The following INSC variants were observed in gnomAD, a reference collection of about 807,000 sequenced individuals.
The protein encoded by INSC is protein inscuteable homolog.
In INSC, 67 loss-of-function variants were observed where a neutral mutation model predicts 58.6. That is an observed-to-expected ratio of 1.14 (90% CI 0.94 to 1.40). The LOEUF (loss-of-function observed/expected upper bound fraction) is 1.40. INSC is among the 40% of genes most tolerant of loss of function. The pLI is 0.00. For synonymous variants in INSC, 262 were observed against 276.1 expected (o/e 0.95, Z 0.51); for missense variants, 714 against 692.0 (o/e 1.03, Z -0.36).
the INSC span, among the ~76,000 whole-genome samples, chr11:15,258,050 A>G: frequency 6.6e-6 from 1 of 152,222 alleles, no homozygotes; most frequent in Non-Finnish European, 1.5e-5. Context: ...TTCATTAATA[A>G]TAAAATAAAA....
At chr11:15,126,350 T>C (rs1165409805) in intron 1 of INSC, among the ~76,000 whole-genome samples, 4 of 152,150 alleles carry the variant, frequency 2.6e-5, no homozygotes, top group Non-Finnish European at 5.9e-5. Flanking sequence ...GATATGGTAG[T>C]GGCAGTTCCT....
At chr11:15,164,832 GT>G in intron 2 of INSC, among the ~76,000 whole-genome samples, 1 of 152,202 alleles carries the variant, frequency 6.6e-6, no homozygotes, top group East Asian at 1.9e-4. Context: ...CATGGGGGTG[GT>G]TTCCCCCATA....
intron 1 of INSC, among the ~76,000 whole-genome samples, chr11:15,139,509 A>G (rs941541549): frequency 6.6e-6 from 1 of 152,212 alleles, no homozygotes; most frequent in Non-Finnish European, 1.5e-5. Context: ...AGGCAACAGG[A>G]TAGCTTTTTT....
In INSC at chr11:15,189,361, C is replaced by A. The variant is rs918244315; in HGVS notation, c.580-1340C>A. Among the ~76,000 whole-genome samples, 4 of 147,504 alleles carry A rather than the reference C, an allele frequency of 2.7e-5. No homozygotes were observed. The South Asian group carries it at 6.5e-4, about 24-fold the overall frequency. On this transcript the variant is annotated intron_variant, in intron 5 of 12. Coordinates refer to ENST00000379556, the MANE Select transcript of INSC (RefSeq NM_001042536.3). ...AAAAGATAGAAATTGTTATTTACAC[C>A]ATTTTGTTTATTTATTTATTTATTT... is the stretch of plus-strand genomic sequence containing the variant.
At chr11:15,194,416 A>G (rs1389144301) in intron 6 of INSC, among the ~76,000 whole-genome samples, 1 of 152,166 alleles carries the variant, frequency 6.6e-6, no homozygotes. Context: ...CCAAGATTCC[A>G]TGGGGTCTTT....
At chr11:15,133,865 A>C (rs1434085840) in intron 1 of INSC, among the ~76,000 whole-genome samples, 1 of 152,234 alleles carries the variant, frequency 6.6e-6, no homozygotes, top group African/African-American at 2.4e-5. Flanking sequence ...TCATCCTTTA[A>C]AATTGTTCTT....
chr11:15,232,528 G>A (rs778353748), intron 9 of INSC, among the ~76,000 whole-genome samples: 21 of 152,104 alleles, frequency 1.4e-4, no homozygotes, highest in Non-Finnish European at 2.8e-4. Context: ...GGAGAAGCTG[G>A]GATTAAAGGC....
chr11:15,111,426 C>T (rs1170857274), upstream of INSC, among the ~76,000 whole-genome samples: 1 of 152,152 alleles, frequency 6.6e-6, no homozygotes, highest in African/African-American at 2.4e-5. Context: ...ACTTGTCCTT[C>T]CTAAAGTGAT....
At chr11:15,167,207 G>A (rs916569750) in intron 2 of INSC, among the ~76,000 whole-genome samples, 1 of 152,030 alleles carries the variant, frequency 6.6e-6, no homozygotes, top group African/African-American at 2.4e-5. Flanking sequence ...GCTGGGTGGG[G>A]GTTCTCGAGC....
At chr11:15,117,549 T>C (rs1419181975) in intron 1 of INSC, among the ~76,000 whole-genome samples, 1 of 152,238 alleles carries the variant, frequency 6.6e-6, no homozygotes, top group African/African-American at 2.4e-5. Context: ...GTAATAACTA[T>C]GTTAGTTGGA....
At chr11:15,226,618 C>T (rs1031511570) in intron 9 of INSC, among the ~76,000 whole-genome samples, 1 of 152,160 alleles carries the variant, frequency 6.6e-6, no homozygotes, top group Admixed American at 6.5e-5. Flanking sequence ...CTCTCGTCCT[C>T]AACTCAGCTT....
At chr11:15,142,876 A>G (rs1828241356) in intron 1 of INSC, among the ~76,000 whole-genome samples, 1 of 152,024 alleles carries the variant, frequency 6.6e-6, no homozygotes, top group Non-Finnish European at 1.5e-5. Context: ...TTTGTTACAT[A>G]TGTATACATG....
chr11:15,190,789 C>T lies in INSC; in HGVS notation c.668C>T (p.Ala223Val). ...GNLFSLTQEGAPLCRIIAKEG... is the reference protein window; with the variant it reads ...GNLFSLTQEGVPLCRIIAKEG... The stretch of plus-strand genomic sequence containing the variant: ...CTGTTCAGCCTGACCCAGGAGGGGG[C>T]TCCCTTGTGCCGCATCATAGCCAAG... Residue 223 changes from alanine to valine, a missense_variant, in exon 6 of 13, where the codon GCT (alanine) becomes GTT (valine). Physicochemically the swap from Ala to Val is moderately conservative, Grantham distance 64. Transcript: ENST00000379556. 6.2e-7 allele frequency: 1 copy of T among 1,613,426 alleles called. No homozygotes were observed.
intron 2 of INSC, among the ~76,000 whole-genome samples, chr11:15,162,501 T>C (rs1849054506): frequency 6.6e-6 from 1 of 152,244 alleles, no homozygotes; most frequent in Non-Finnish European, 1.5e-5. Flanking sequence ...TTGACGATTG[T>C]GGTACCCCTT....
intron 2 of INSC, among the ~76,000 whole-genome samples, chr11:15,165,987 G>A (rs1042398381): frequency 1.3e-5 from 2 of 152,110 alleles, no homozygotes; most frequent in African/African-American, 4.8e-5. Context: ...TCTTATGTCT[G>A]TCTCTTCTGC....
At chr11:15,174,270 G>A (rs1714379) in intron 2 of INSC, among the ~76,000 whole-genome samples, 27,856 of 152,158 alleles carry the variant, frequency 0.18, 2,865 homozygotes, top group South Asian at 0.33. Context: ...TTGCTCAAGT[G>A]TCTCTTTCTC....
At chr11:15,194,184 G>A (rs1850285650) in intron 6 of INSC, among the ~76,000 whole-genome samples, 1 of 152,218 alleles carries the variant, frequency 6.6e-6, no homozygotes. Flanking sequence ...TAGGACCTCA[G>A]TAAGGTCTTT....
intron 7 of INSC, among the ~76,000 whole-genome samples, chr11:15,201,494 A>C (rs1049979586): frequency 6.6e-6 from 1 of 152,090 alleles, no homozygotes; most frequent in Admixed American, 6.5e-5. Flanking sequence ...GGGTTAGAGG[A>C]GGAAGGTGGT....
At chr11:15,168,798 A>G (rs969117187) in intron 2 of INSC, among the ~76,000 whole-genome samples, 2 of 152,132 alleles carry the variant, frequency 1.3e-5, no homozygotes, top group African/African-American at 4.8e-5. Context: ...CTCAAGGGAG[A>G]GTTCTGGGAC....
Sources: gnomAD v4.1 joint callset for allele counts (sites outside exome capture counted in the v4.1 genomes callset) on GRCh38, gnomAD v4.1.1 for gene constraint, MANE v1.5 for transcripts, NCBI Gene and HGNC (gene_info 2026-07-23, HGNC 2026-07-21) for gene names.